Variants in PRKN observed in about 807,000 individuals in gnomAD.
PRKN encodes parkin RBR E3 ubiquitin protein ligase, also known as E3 ubiquitin-protein ligase parkin.
In PRKN, 56 loss-of-function variants were observed where a neutral mutation model predicts 59.5. The ratio of observed to expected loss-of-function variants is 0.94; its 90% CI spans 0.76 to 1.18. PRKN has a LOEUF of 1.18. Among genes scored for constraint, PRKN ranks in the 50% most tolerant of loss-of-function variants. The probability of loss-of-function intolerance (pLI) is 0.00; values close to 1 mark genes in which losing one functional copy is unlikely to be tolerated. For synonymous variants in PRKN, 250 were observed against 222.1 expected (o/e 1.13, Z -1.12); for missense variants, 657 against 596.4 (o/e 1.10, Z -1.06).
Position 161,874,524 on chromosome 6 carries a change from ATATGTAAAATATATAT to A in PRKN, c.735-88632_735-88617del, listed in dbSNP as rs1391070826. On this transcript the variant is annotated intron_variant, in intron 6 of 11. Coordinates refer to ENST00000366898, the MANE Select transcript of PRKN (RefSeq NM_004562.3). ...ATATATTATATGTAAAATATATATT[ATATGTAAAATATATAT>A]TATGTAAAATATATATTATATATAA... is the stretch of plus-strand genomic sequence containing the variant. Among the ~76,000 whole-genome samples, 8 of 106,594 alleles carry A rather than the reference ATATGTAAAATATATAT, an allele frequency of 7.5e-5. No homozygotes were observed. In the East Asian group the frequency reaches 1.8e-3, roughly 24 times the overall value. The allele number at this position is 106,594 out of a possible 152,430, so 69.9% of individuals were successfully genotyped here. A position where few individuals can be genotyped will look rare whatever the true frequency, so the allele number is the denominator to read the frequency against.
At chr6:161,813,348 C>A (rs1414607440) in intron 6 of PRKN, among the ~76,000 whole-genome samples, 1 of 152,172 alleles carries the variant, frequency 6.6e-6, no homozygotes, top group Non-Finnish European at 1.5e-5. Flanking sequence ...TGTCCCCAGC[C>A]TCACCGGGCT....
chr6:162,574,336 C>T (rs1422437573), intron 1 of PRKN, among the ~76,000 whole-genome samples: 1 of 151,884 alleles, frequency 6.6e-6, no homozygotes, highest in Non-Finnish European at 1.5e-5. Flanking sequence ...CTGTAGTTTG[C>T]TTCAAGGTTA....
intron 6 of PRKN, among the ~76,000 whole-genome samples, chr6:161,887,239 C>G (rs1308520782): frequency 2.0e-5 from 3 of 152,240 alleles, no homozygotes; most frequent in Non-Finnish European, 4.4e-5. Flanking sequence ...GAGAAAAAGA[C>G]TCAAGCTGAA....
intron 10 of PRKN, among the ~76,000 whole-genome samples, chr6:161,383,109 G>C (rs1034757540): frequency 6.6e-6 from 1 of 152,216 alleles, no homozygotes. Flanking sequence ...CTTTCATTGT[G>C]AGATGTGTAG....
chr6:161,439,185 A>G (rs1192243546), intron 9 of PRKN, among the ~76,000 whole-genome samples: 1 of 152,220 alleles, frequency 6.6e-6, no homozygotes, highest in Non-Finnish European at 1.5e-5. Context: ...GCTGAAAGGA[A>G]GCTGACGCCA....
At chr6:162,177,449 C>T (rs1302253369) in intron 4 of PRKN, among the ~76,000 whole-genome samples, 1 of 152,126 alleles carries the variant, frequency 6.6e-6, no homozygotes, top group African/African-American at 2.4e-5. Flanking sequence ...AATGAGAGTG[C>T]ATTGCATTAT....
intron 7 of PRKN, among the ~76,000 whole-genome samples, chr6:161,698,211 C>T (rs900094589): frequency 2.0e-5 from 3 of 152,068 alleles, no homozygotes; most frequent in African/African-American, 7.2e-5. Flanking sequence ...AAAAAAATCA[C>T]ACCAAATACA....
intron 1 of PRKN, among the ~76,000 whole-genome samples, chr6:162,541,988 A>T (rs1372491148): frequency 3.3e-5 from 5 of 152,086 alleles, no homozygotes; most frequent in African/African-American, 7.2e-5. Context: ...GGGTTGACTA[A>T]AACGCAAGGC....
Position 161,413,570 on chromosome 6 carries a change from G to T in PRKN, c.1084-26693C>A, listed in dbSNP as rs1787692728. 6.6e-6 allele frequency among the ~76,000 whole-genome samples: 1 copy of T among 152,164 alleles called. No homozygotes were observed. The highest frequency in any genetic ancestry group is 1.5e-5 in the Non-Finnish European group (1 of 68,040). On this transcript the variant is annotated intron_variant, in intron 9 of 11. Coordinates refer to ENST00000366898, the MANE Select transcript of PRKN (RefSeq NM_004562.3). This position sits in a 1 kb window ranked among gnomAD's most constrained non-coding sequence, Gnocchi z 4.4. ...GCACGCTGGCCATGGTGGGATGGCA[G>T]CGTGGGCCAGGAAAGCCTGGGAACT...
Position 161,530,029 on chromosome 6 carries a change from A to AT in PRKN, c.1083+18824dup, listed in dbSNP as rs1411595802. On this transcript the variant is annotated intron_variant, in intron 9 of 11. Coordinates refer to ENST00000366898, the MANE Select transcript of PRKN (RefSeq NM_004562.3). This position sits in a 1 kb window ranked among gnomAD's most constrained non-coding sequence, Gnocchi z 5.0. ...AGCAAAAGCATTTTACTTAAGAAGC[A>AT]TTTAAAAAAAAAACCCTCATTCATT... 6.7e-6 allele frequency among the ~76,000 whole-genome samples: 1 copy of AT among 148,298 alleles called. No individual in the cohort carries two copies. Among genetic ancestry groups the AT allele is most frequent in the African/African-American group, 2.5e-5 (1 of 39,658 alleles).
chr6:162,010,367 A>G (rs1782460298), intron 5 of PRKN, among the ~76,000 whole-genome samples: 1 of 115,620 alleles, frequency 8.6e-6, no homozygotes, highest in African/African-American at 3.5e-5. Flanking sequence ...TATATGTAAT[A>G]TACATTTATA....
At chr6:161,673,082 T>C (rs1376381983) in intron 7 of PRKN, among the ~76,000 whole-genome samples, 1 of 152,086 alleles carries the variant, frequency 6.6e-6, no homozygotes, top group Non-Finnish European at 1.5e-5. Context: ...TAATCACCCG[T>C]GCAGAACACA....
intron 1 of PRKN, among the ~76,000 whole-genome samples, chr6:162,599,207 C>T (rs1019595343): frequency 6.6e-6 from 1 of 152,032 alleles, no homozygotes; most frequent in Non-Finnish European, 1.5e-5. Context: ...AAAAAGAAAT[C>T]CCCAGGCAGT....
intron 6 of PRKN, among the ~76,000 whole-genome samples, chr6:161,950,268 G>C (rs1779937160): frequency 1.3e-5 from 2 of 152,160 alleles, no homozygotes; most frequent in African/African-American, 4.8e-5. Context: ...TCTTTGGCCG[G>C]GTGTGGTGGC....
At chr6:162,244,309 A>G (rs1471922816) in intron 3 of PRKN, among the ~76,000 whole-genome samples, 1 of 152,012 alleles carries the variant, frequency 6.6e-6, no homozygotes, top group African/African-American at 2.4e-5. Flanking sequence ...ATTCAATCTT[A>G]TTCTGTATTA....
intron 5 of PRKN, among the ~76,000 whole-genome samples, chr6:162,010,031 G>C (rs1782426823): frequency 6.6e-6 from 1 of 151,086 alleles, no homozygotes; most frequent in African/African-American, 2.4e-5. Flanking sequence ...TACGCTTGGA[G>C]TTACTATTTA....
intron 6 of PRKN, among the ~76,000 whole-genome samples, chr6:161,849,954 G>A (rs774463995): frequency 6.6e-5 from 10 of 152,014 alleles, no homozygotes; most frequent in Non-Finnish European, 1.5e-4. Context: ...AGCTATTTTC[G>A]CTACCGTAAA....
intron 6 of PRKN, among the ~76,000 whole-genome samples, chr6:161,864,417 C>T (rs1794029891): frequency 6.6e-6 from 1 of 152,178 alleles, no homozygotes; most frequent in South Asian, 2.1e-4. Flanking sequence ...TCAGTCACAT[C>T]TTCAGGCTCC....
chr6:162,341,073 GA>G (rs896633629), intron 2 of PRKN, among the ~76,000 whole-genome samples: 30 of 149,030 alleles, frequency 2.0e-4, no homozygotes, highest in East Asian at 9.9e-4. Context: ...ATTTACAAGG[GA>G]AAAAAAAACA....
Sources: gnomAD v4.1 joint callset for allele counts (sites outside exome capture counted in the v4.1 genomes callset) on GRCh38, gnomAD v4.1.1 for gene constraint, Gnocchi (gnomAD v3.1) non-coding constraint, MANE v1.5 for transcripts, NCBI Gene and HGNC (gene_info 2026-07-23, HGNC 2026-07-21) for gene names.